Variants in CPQ observed in about 807,000 individuals in gnomAD.
The protein encoded by CPQ is carboxypeptidase Q, also known as Ser-Met dipeptidase.
In CPQ, 37 loss-of-function variants were observed where a neutral mutation model predicts 45.7. The ratio of observed to expected loss-of-function variants is 0.81; its 90% CI spans 0.62 to 1.07. CPQ has a LOEUF of 1.07. CPQ is among the 50% of genes least tolerant of loss of function. The pLI is 0.00. For synonymous variants in CPQ, 186 were observed against 205.8 expected, an observed-to-expected ratio of 0.90 and a Z score of 0.82; for missense variants, 537 against 572.9, an observed-to-expected ratio of 0.94 and a Z score of 0.64.
chr8:96,805,633 C>T (rs1233701758), intron 2 of CPQ, among the ~76,000 whole-genome samples: 5 of 152,054 alleles, frequency 3.3e-5, no homozygotes, highest in Admixed American at 3.3e-4. Flanking sequence ...CAGTCAGTGC[C>T]ATCAGTTTCC....
At chr8:96,755,650 GTATA>G (rs1366012544) in intron 1 of CPQ, among the ~76,000 whole-genome samples, 4 of 151,814 alleles carry the variant, frequency 2.6e-5, no homozygotes, top group African/African-American at 9.7e-5. Context: ...AGGGCACAAA[GTATA>G]TAATTAATTC....
chr8:97,012,580 C>A (rs1334241023), intron 5 of CPQ, among the ~76,000 whole-genome samples: 1 of 152,104 alleles, frequency 6.6e-6, no homozygotes, highest in Non-Finnish European at 1.5e-5. Context: ...CTGAATACAC[C>A]TCTGTACACT....
chr8:97,143,387 C>T lies in CPQ; in HGVS notation c.*204C>T. ...AATCATTCTCCCCTCCCTCCCACCA[C>T]ATAGAATCAACATATGGTAGGGATT... On this transcript the variant is annotated 3_prime_UTR_variant, in exon 8 of 8. Transcript: ENST00000220763. 1 of 529,908 alleles carries T rather than the reference C, an allele frequency of 1.9e-6. No individual in the cohort carries two copies. The highest frequency in any genetic ancestry group is 3.4e-6 in the Non-Finnish European group (1 of 298,480). The allele number at this position is 529,908 out of a possible 1,614,324, so 32.8% of individuals were successfully genotyped here. A position where few individuals can be genotyped will look rare whatever the true frequency, so the allele number is the denominator to read the frequency against.
chr8:96,848,835 T>C (rs1349186278), intron 3 of CPQ, among the ~76,000 whole-genome samples: 1 of 152,206 alleles, frequency 6.6e-6, no homozygotes, highest in Non-Finnish European at 1.5e-5. Context: ...TAGTGGCATT[T>C]TATGAATTTT....
At chr8:96,781,526 C>A (rs1276606559) in intron 1 of CPQ, among the ~76,000 whole-genome samples, 1 of 152,154 alleles carries the variant, frequency 6.6e-6, no homozygotes, top group African/African-American at 2.4e-5. Flanking sequence ...AAAGGTCCTA[C>A]CTTCCAAGAC....
At chr8:96,657,699 A>G (rs1254371215) in intron 1 of CPQ, among the ~76,000 whole-genome samples, 2 of 152,214 alleles carry the variant, frequency 1.3e-5, no homozygotes, top group Non-Finnish European at 2.9e-5. Context: ...CGACAACAAA[A>G]CCCAAAAGCC....
At position 96,880,518 on chromosome 8, in the gene CPQ, CATATATATATAT is replaced by C. The variant is rs200512558; in HGVS notation, c.849+561_849+572del. On this transcript the variant is annotated intron_variant, in intron 4 of 7. Transcript: ENST00000220763. Reference sequence around the variant, plus strand: ...GCTGGCTAAAAAACAAATATATGGTCATATATATATATATATATATATATATATATATATATA... The same window carrying C: ...GCTGGCTAAAAAACAAATATATGGTCATATATATATATATATATATATATA... Among the ~76,000 whole-genome samples the C allele has an allele frequency of 1.2e-3, 113 of 97,286 alleles. 1 individual carries two copies. Among genetic ancestry groups the C allele is most frequent in the South Asian group, 4.3e-3 (14 of 3,224 alleles). The allele number at this position is 97,286 out of a possible 152,430, so 63.8% of individuals were successfully genotyped here.
rs148409184 is a variant in CPQ, at chr8:96,845,306, A to G, written c.641+10126A>G. ...ACTTCTGCATAAAAATATAAATTGC[A>G]TGAGGACTGGAACTGTGTCTTTCGT... is the stretch of plus-strand genomic sequence containing the variant. On this transcript the variant is annotated intron_variant, in intron 3 of 7. Transcript: ENST00000220763. 4.0e-3 allele frequency among the ~76,000 whole-genome samples: 608 copies of G among 152,268 alleles called. 3 individuals are homozygous for G. The highest frequency in any genetic ancestry group is 0.014 in the African/African-American group (572 of 41,536).
At chr8:96,896,651 A>G (rs972646698) in intron 4 of CPQ, among the ~76,000 whole-genome samples, 4 of 152,194 alleles carry the variant, frequency 2.6e-5, no homozygotes, top group African/African-American at 9.6e-5. Flanking sequence ...GCCTCTCTTA[A>G]TTACACACCC....
At chr8:96,856,566 A>C (rs1322343418) in intron 3 of CPQ, among the ~76,000 whole-genome samples, 2 of 152,216 alleles carry the variant, frequency 1.3e-5, no homozygotes, top group Non-Finnish European at 2.9e-5. Flanking sequence ...CCTCAGCCTC[A>C]GTATCCAGAA....
intron 1 of CPQ, among the ~76,000 whole-genome samples, chr8:96,714,319 C>T (rs967818235): frequency 6.6e-6 from 1 of 152,100 alleles, no homozygotes; most frequent in African/African-American, 2.4e-5. Context: ...TTCCTAGAGA[C>T]TTTGTTCATT....
chr8:96,845,933 C>T (rs1811682089), intron 3 of CPQ, among the ~76,000 whole-genome samples: 2 of 152,158 alleles, frequency 1.3e-5, no homozygotes, highest in Non-Finnish European at 2.9e-5. Context: ...GATTCTCCTG[C>T]TTTAGCCTCC....
chr8:96,794,809 G>A (rs1194078494), intron 2 of CPQ, among the ~76,000 whole-genome samples: 1 of 152,090 alleles, frequency 6.6e-6, no homozygotes, highest in East Asian at 1.9e-4. Flanking sequence ...AATTGCTAGG[G>A]TGGGGGTAAA....
chr8:96,680,371 G>A (rs1809133204), intron 1 of CPQ: 2 of 152,096 alleles, frequency 1.3e-5, no homozygotes, highest in Admixed American at 1.3e-4. Context: ...TTGAATCATG[G>A]GGGCTTGTCT....
chr8:96,925,494 T>C (rs957856212), intron 4 of CPQ, among the ~76,000 whole-genome samples: 1 of 151,750 alleles, frequency 6.6e-6, no homozygotes, highest in Admixed American at 6.6e-5. Flanking sequence ...GCGATTCTCG[T>C]GTCTCAGCCT....
At chr8:97,099,116 T>TCTCTC (rs1491508368) in intron 7 of CPQ, among the ~76,000 whole-genome samples, 1 of 18,444 alleles carries the variant, frequency 5.4e-5, no homozygotes, top group Admixed American at 8.5e-4. Flanking sequence ...CTTCTCTCTC[T>TCTCTC]TTTTTTTTTT....
chr8:97,129,756 G>A (rs1411727013), intron 7 of CPQ, among the ~76,000 whole-genome samples: 1 of 152,044 alleles, frequency 6.6e-6, no homozygotes, highest in Non-Finnish European at 1.5e-5. Context: ...TTTTAGCTGT[G>A]CTCTTTTATA....
At chr8:97,133,178 T>C (rs910178810) in intron 7 of CPQ, 1 of 152,168 alleles carries the variant, frequency 6.6e-6, no homozygotes, top group Non-Finnish European at 1.5e-5. Flanking sequence ...TATACCTATA[T>C]ATACTCTCTC....
chr8:97,134,927 A>G (rs1448533387), intron 7 of CPQ, among the ~76,000 whole-genome samples: 2 of 152,166 alleles, frequency 1.3e-5, no homozygotes, highest in Admixed American at 1.3e-4. Flanking sequence ...TAATTCCCCT[A>G]TTTGGGGAGT....
Sources: allele counts gnomAD v4.1 joint callset (sites outside exome capture counted in the v4.1 genomes callset), GRCh38; gene constraint gnomAD v4.1.1; transcripts MANE v1.5; gene names NCBI Gene and HGNC (gene_info 2026-07-23, HGNC 2026-07-21).